The following ABHD5 variants were observed in gnomAD, a reference collection of about 807,000 sequenced individuals.
ABHD5 encodes 1-acylglycerol-3-phosphate O-acyltransferase ABHD5.
A neutral mutation model predicts 44.9 loss-of-function variants in ABHD5; 30 were observed. That is an observed-to-expected ratio of 0.67 (90% CI 0.50 to 0.91). The LOEUF (loss-of-function observed/expected upper bound fraction) is 0.91. Ranked by LOEUF, ABHD5 falls within the 40% of genes least tolerant of loss-of-function variation. The pLI is 0.00. For missense variants in ABHD5, 399 were observed against 423.4 expected (o/e 0.94, Z 0.50); for synonymous variants, 167 against 147.0 (o/e 1.14, Z -0.99).
chr3:43,710,342 A>G (rs943872696), intron 3 of ABHD5, among the ~76,000 whole-genome samples: 1 of 152,208 alleles, frequency 6.6e-6, no homozygotes, highest in Non-Finnish European at 1.5e-5. Context: ...TACCTTTACT[A>G]ATATGTCTCT....
chr3:43,703,436 C>A (rs898197504), intron 3 of ABHD5, among the ~76,000 whole-genome samples: 1 of 152,138 alleles, frequency 6.6e-6, no homozygotes, highest in Non-Finnish European at 1.5e-5. Context: ...CCCTCGGCCT[C>A]CCAAAGTGCT....
At chr3:43,704,848 A>G (rs965994655) in intron 3 of ABHD5, among the ~76,000 whole-genome samples, 2 of 152,244 alleles carry the variant, frequency 1.3e-5, no homozygotes, top group Non-Finnish European at 2.9e-5. Context: ...AGGACCAAGA[A>G]TCATAAGTAG....
chr3:43,691,824 G>T (rs563352109), intron 1 of ABHD5, among the ~76,000 whole-genome samples: 2 of 152,186 alleles, frequency 1.3e-5, no homozygotes, highest in African/African-American at 4.8e-5. Flanking sequence ...GCGCTTCTGG[G>T]ATTATTCTGG....
chr3:43,702,673 C>G (rs2084559560), intron 3 of ABHD5, 86 bp downstream of exon 3: 1 of 1,600,200 alleles, frequency 6.2e-7, no homozygotes, highest in Admixed American at 1.7e-5. Flanking sequence ...TTGTTAGTGT[C>G]TGAGCCACAA....
chr3:43,713,314 C>A (rs1387112502), intron 4 of ABHD5, among the ~76,000 whole-genome samples: 10 of 142,296 alleles, frequency 7.0e-5, no homozygotes, highest in Admixed American at 7.0e-4. Context: ...CAGTGCAAGA[C>A]CCTGTCTCAA....
At chr3:43,702,863 A>G (rs2084562290) in intron 3 of ABHD5, among the ~76,000 whole-genome samples, 1 of 151,008 alleles carries the variant, frequency 6.6e-6, no homozygotes, top group Non-Finnish European at 1.5e-5. Flanking sequence ...TTTAAGCCAC[A>G]AGTAAAAATT....
intron 7 of ABHD5, among the ~76,000 whole-genome samples, chr3:43,731,658 C>T (rs1406788301): frequency 6.6e-6 from 1 of 152,014 alleles, no homozygotes; most frequent in Non-Finnish European, 1.5e-5. Flanking sequence ...ATGGAGAAAC[C>T]CCGTCTCTAC....
chr3:43,701,486 T>C (rs2149595524), intron 2 of ABHD5, among the ~76,000 whole-genome samples: 1 of 152,346 alleles, frequency 6.6e-6, no homozygotes, highest in East Asian at 1.9e-4. Flanking sequence ...TGATTTCAAA[T>C]TTAATTTCAT....
chr3:43,707,506 A>G (rs1428602888), intron 3 of ABHD5: 2 of 152,154 alleles, frequency 1.3e-5, no homozygotes, highest in Non-Finnish European at 2.9e-5. Context: ...CTTGGAGCCA[A>G]TGGGAAATAC....
rs1252710601 is a variant in ABHD5 at position 43,719,646 on chromosome 3, T to A, written c.*1114T>A. 1.3e-5 allele frequency: 2 copies of A among 152,214 alleles called. No homozygotes were observed. The highest frequency in any genetic ancestry group is 1.3e-4 in the Admixed American group (2 of 15,272). The allele number at this position is 152,214 out of a possible 1,614,324, so 9.4% of individuals were successfully genotyped here. ...AAAAATTCTAGAAGGTTGATTGAAC[T>A]ATTTTTTTAGGAACTACCATCAAGT... is the stretch of plus-strand genomic sequence containing the variant. On this transcript the variant is annotated 3_prime_UTR_variant, in exon 7 of 7. Coordinates refer to ENST00000644371, the MANE Select transcript of ABHD5 (RefSeq NM_016006.6).
chr3:43,702,334 G>A lies in ABHD5; in HGVS notation c.253G>A (p.Gly85Arg), dbSNP rs761158107. 3 of 1,613,176 alleles carry A rather than the reference G, an allele frequency of 1.9e-6. No individual in the cohort carries two copies. The highest frequency in any genetic ancestry group is 2.5e-6 in the Non-Finnish European group (3 of 1,179,244). Reference protein sequence around the residue: ...KTPLVLLHGFGGGLGLWALNF... With the variant: ...KTPLVLLHGFRGGLGLWALNF... The stretch of plus-strand genomic sequence containing the variant: ...TCCACTTGTCCTTCTCCATGGTTTT[G>A]GAGGAGGTCTTGGGCTCTGGGCACT... The change falls in exon 3 of 7, where the codon GGA becomes AGA. Residue 85 changes from glycine (G) to arginine (R), a missense_variant. By Grantham distance (125) the Gly-to-Arg change is moderately radical (BLOSUM62 -2). Transcript: ENST00000644371.
intron 5 of ABHD5, 53 bp downstream of exon 5, chr3:43,715,111 G>GTT (rs1559417907): frequency 8.3e-7 from 1 of 1,200,994 alleles, no homozygotes; most frequent in Non-Finnish European, 1.2e-6. Flanking sequence ...GTGTGTGTGT[G>GTT]TGTGTGTGTT....
chr3:43,727,771 G>T (rs1047342147), intron 7 of ABHD5, among the ~76,000 whole-genome samples: 1 of 152,184 alleles, frequency 6.6e-6, no homozygotes, highest in Non-Finnish European at 1.5e-5. Context: ...ACCATGCCTG[G>T]CTAATTTTTG....
chr3:43,703,541 CATT>C, intron 3 of ABHD5, among the ~76,000 whole-genome samples: 1 of 152,274 alleles, frequency 6.6e-6, no homozygotes, highest in Non-Finnish European at 1.5e-5. Flanking sequence ...GAGAGGGTCA[CATT>C]TAAGTGCTAA....
chr3:43,702,201 T>G lies in ABHD5; in HGVS notation c.134-14T>G, dbSNP rs2084549409. On this transcript the variant is annotated splice_polypyrimidine_tract_variant and intron_variant, in intron 2 of 6. Transcript: ENST00000644371. ...ATAAAATGAAACAGAATTTCTCTTT[T>G]ATGTTTTCATTAGGTGTGCCTTGCA... 4.5e-6 allele frequency: 7 copies of G among 1,572,524 alleles called. No individual in the cohort carries two copies. The highest frequency in any genetic ancestry group is 6.1e-6 in the Non-Finnish European group (7 of 1,156,688).
In ABHD5 at chr3:43,716,779, A is replaced by G. The variant is rs770366693; in HGVS notation, c.774-892A>G. ...TTTACTCTTCACGTACTCTTATTTC[A>G]TGATTACATGTGTTCGTGTAGTCCT... On this transcript the variant is annotated intron_variant, in intron 5 of 6. Transcript: ENST00000644371. Among the ~76,000 whole-genome samples, 17 of 152,248 alleles carry G rather than the reference A, an allele frequency of 1.1e-4. No individual in the cohort carries two copies. In the East Asian group the frequency reaches 3.3e-3, roughly 29 times the overall value.
chr3:43,725,622 A>G (rs968278322), downstream of ABHD5, among the ~76,000 whole-genome samples: 4 of 152,196 alleles, frequency 2.6e-5, no homozygotes, highest in Non-Finnish European at 1.5e-5. Context: ...AAATTAAAAT[A>G]TTGTGTTCAT....
chr3:43,697,189 A>G (rs931506947), intron 1 of ABHD5, among the ~76,000 whole-genome samples: 3 of 152,212 alleles, frequency 2.0e-5, no homozygotes, highest in Non-Finnish European at 2.9e-5. Flanking sequence ...TGCTTTGTAC[A>G]TAGTAGGTAT....
rs530559174 is a variant in ABHD5, at chr3:43,717,197, A to C, written c.774-474A>C. ...CTCAAAAAAAACAAAAAAAACAAAA[A>C]AAAAAAATGAATAGCAGAAGTGACA... On this transcript the variant is annotated intron_variant, in intron 5 of 6. Transcript: ENST00000644371. Among the ~76,000 whole-genome samples, 95 of 133,912 alleles carry C rather than the reference A, an allele frequency of 7.1e-4. 1 individual carries two copies. The East Asian group carries it at 8.9e-3, about 12-fold the overall frequency. The allele number at this position is 133,912 out of a possible 152,430, so 87.9% of individuals were successfully genotyped here.
Sources: allele counts gnomAD v4.1 joint callset (sites outside exome capture counted in the v4.1 genomes callset), GRCh38; gene constraint gnomAD v4.1.1; transcripts MANE v1.5; gene names NCBI Gene and HGNC (gene_info 2026-07-23, HGNC 2026-07-21).